Variants in PTPRN2 observed in about 807,000 individuals in gnomAD.
The protein encoded by PTPRN2 is receptor-type tyrosine-protein phosphatase N2.
A neutral mutation model predicts 118.8 loss-of-function variants in PTPRN2; 74 were observed. That is an observed-to-expected ratio of 0.62 (90% confidence interval 0.52 to 0.76). PTPRN2 has a LOEUF of 0.76. PTPRN2 is among the 30% of genes least tolerant of loss of function. The pLI is 0.00. For synonymous variants in PTPRN2, 641 were observed against 608.0 expected (o/e 1.05, Z -0.80); for missense variants, 1,481 against 1,394.4 (o/e 1.06, Z -0.99).
chr7:158,578,482 C>T (rs1052355469), intron 1 of PTPRN2, among the ~76,000 whole-genome samples: 1 of 145,828 alleles, frequency 6.9e-6, no homozygotes, highest in Admixed American at 7.2e-5. Flanking sequence ...CTGCAGTGAA[C>T]TATGACTATG....
At chr7:158,120,683 T>A (rs1317045866) in intron 9 of PTPRN2, among the ~76,000 whole-genome samples, 5 of 152,224 alleles carry the variant, frequency 3.3e-5, no homozygotes, top group Non-Finnish European at 7.3e-5. Context: ...GGGTCCCAGA[T>A]GTCCTCTCTT....
intron 12 of PTPRN2, among the ~76,000 whole-genome samples, chr7:157,753,562 C>T (rs1801608351): frequency 6.6e-6 from 1 of 152,212 alleles, no homozygotes; most frequent in African/African-American, 2.4e-5. Context: ...AGTGACCCTT[C>T]CTCCAACACC....
intron 13 of PTPRN2, chr7:157,669,626 A>G (rs1796313429): frequency 2.2e-6 from 1 of 447,098 alleles, no homozygotes; most frequent in Non-Finnish European, 4.5e-6. Context: ...GCCAAGCAAT[A>G]TGGAGTGAGT....
At position 157,690,326 on chromosome 7, in the gene PTPRN2, G is replaced by A. The variant is rs1797411028; in HGVS notation, c.1789-7389C>T. Among the ~76,000 whole-genome samples the A allele has an allele frequency of 6.6e-6, 1 of 152,218 alleles. No homozygotes were observed. The highest frequency in any genetic ancestry group is 1.5e-5 in the Non-Finnish European group (1 of 68,038). ...GACAGGAGTCCTGCGGCGAGGCAGAGACCCCCTGAACTGAGCTCTCCGACG... is the reference window on the plus strand; with the variant it reads ...GACAGGAGTCCTGCGGCGAGGCAGAAACCCCCTGAACTGAGCTCTCCGACG... On this transcript the variant is annotated intron_variant, in intron 12 of 22. Transcript: ENST00000389418. This position sits in a 1 kb window ranked among gnomAD's most constrained non-coding sequence, Gnocchi z 7.1.
At position 157,690,274 on chromosome 7, in the gene PTPRN2, A is replaced by G. The variant is rs912650187; in HGVS notation, c.1789-7337T>C. Among the ~76,000 whole-genome samples the G allele has an allele frequency of 2.0e-5, 3 of 152,106 alleles. No homozygotes were observed. The highest frequency in any genetic ancestry group is 2.9e-5 in the Non-Finnish European group (2 of 68,002). On this transcript the variant is annotated intron_variant, in intron 12 of 22. Coordinates refer to ENST00000389418, the MANE Select transcript of PTPRN2 (RefSeq NM_002847.5). The surrounding 1 kb of genome is among the most constrained non-coding windows in gnomAD (Gnocchi z 7.1). ...CCCACTTGGGGATGATCCCAGGCGC[A>G]GCTCTCCCCTGCCGGCCCAAGCCTT...
At chr7:158,192,569 C>T (rs1329876631) in intron 4 of PTPRN2, 74 bp from the exon 5 acceptor site, 5 of 1,475,722 alleles carry the variant, frequency 3.4e-6, no homozygotes, top group Non-Finnish European at 4.5e-6. Context: ...CCCTGTGGTG[C>T]CTGGGTGCAT....
At chr7:158,379,234 C>T (rs911798092) in intron 2 of PTPRN2, among the ~76,000 whole-genome samples, 17 of 152,276 alleles carry the variant, frequency 1.1e-4, no homozygotes, top group Admixed American at 7.2e-4. Flanking sequence ...GAAGGGGCTG[C>T]GGACCCCAGG....
chr7:158,246,296 G>A (rs987400854), intron 3 of PTPRN2, among the ~76,000 whole-genome samples: 1 of 151,746 alleles, frequency 6.6e-6, no homozygotes, highest in African/African-American at 2.4e-5. Flanking sequence ...TATGGAAATG[G>A]CAGCGTAATG....
chr7:158,160,810 G>A (rs746725620), intron 6 of PTPRN2, among the ~76,000 whole-genome samples: 65 of 152,164 alleles, frequency 4.3e-4, no homozygotes, highest in Non-Finnish European at 6.8e-4. Flanking sequence ...TGCAACTGTC[G>A]TCAAGATATC....
chr7:158,059,253 G>A (rs1175507811), intron 11 of PTPRN2, among the ~76,000 whole-genome samples: 1 of 114,386 alleles, frequency 8.7e-6, no homozygotes, highest in African/African-American at 4.2e-5. Context: ...CCCACAGTGA[G>A]ACACCACTGC....
intron 9 of PTPRN2, among the ~76,000 whole-genome samples, chr7:158,123,385 C>T (rs952602566): frequency 5.3e-5 from 8 of 152,088 alleles, no homozygotes; most frequent in East Asian, 1.9e-4. Context: ...CCACGGTGAC[C>T]GACGCCATGG....
At chr7:157,842,266 G>T (rs563656479) in intron 12 of PTPRN2, among the ~76,000 whole-genome samples, 7 of 152,144 alleles carry the variant, frequency 4.6e-5, no homozygotes, top group African/African-American at 1.7e-4. Flanking sequence ...ATTTCAGCGC[G>T]CTCCAATCAG....
At chr7:158,454,337 C>T (rs56176658) in intron 2 of PTPRN2, among the ~76,000 whole-genome samples, 15 of 142,796 alleles carry the variant, frequency 1.1e-4, no homozygotes, top group South Asian at 2.4e-4. Flanking sequence ...GGATTGGGGA[C>T]GGTTGCTACA....
At chr7:157,891,326 T>C (rs1796788246) in intron 12 of PTPRN2, among the ~76,000 whole-genome samples, 1 of 152,052 alleles carries the variant, frequency 6.6e-6, no homozygotes, top group African/African-American at 2.4e-5. Context: ...CAGGGGGAAA[T>C]GAAGCTGGTT....
intron 2 of PTPRN2, among the ~76,000 whole-genome samples, chr7:158,394,645 T>C (rs1345393138): frequency 6.6e-6 from 1 of 152,088 alleles, no homozygotes; most frequent in East Asian, 1.9e-4. Flanking sequence ...ACTCACTCAT[T>C]GATGAGGGGA....
intron 13 of PTPRN2, among the ~76,000 whole-genome samples, chr7:157,658,945 G>T (rs1795741261): frequency 6.6e-6 from 1 of 151,982 alleles, no homozygotes; most frequent in South Asian, 2.1e-4. Flanking sequence ...CAAAGGCCTT[G>T]CACTCCCCAA....
chr7:157,811,387 A>G (rs1336614754), intron 12 of PTPRN2, among the ~76,000 whole-genome samples: 1 of 145,304 alleles, frequency 6.9e-6, no homozygotes, highest in African/African-American at 2.6e-5. Flanking sequence ...TTAGTATCAA[A>G]ATGACTTCAC....
At chr7:157,952,452 T>A (rs1297069512) in intron 11 of PTPRN2, among the ~76,000 whole-genome samples, 1 of 85,844 alleles carries the variant, frequency 1.2e-5, no homozygotes, top group South Asian at 4.1e-4. Context: ...GTAGTGTGCA[T>A]GCCTGAGACG....
intron 2 of PTPRN2, among the ~76,000 whole-genome samples, chr7:158,424,972 C>T (rs189240113): frequency 1.7e-4 from 26 of 152,332 alleles, no homozygotes; most frequent in African/African-American, 6.0e-4. Flanking sequence ...GTCTGGGGCC[C>T]GGGTGTTTCG....
Sources: allele counts gnomAD v4.1 joint callset (sites outside exome capture counted in the v4.1 genomes callset), GRCh38; gene constraint gnomAD v4.1.1; non-coding constraint Gnocchi (gnomAD v3.1); transcripts MANE v1.5; gene names NCBI Gene and HGNC (gene_info 2026-07-23, HGNC 2026-07-21).